Variants in ZNF251 observed in about 807,000 individuals in gnomAD.
ZNF251 encodes zinc finger protein 251.
In ZNF251, 14 loss-of-function variants were observed where a neutral mutation model predicts 13.5. That is an observed-to-expected ratio of 1.04 (90% CI 0.69 to 1.63). The LOEUF (loss-of-function observed/expected upper bound fraction) is 1.63, where lower values mean the gene tolerates loss of function less well. Ranked by LOEUF, ZNF251 falls within the 40% of genes most tolerant of loss-of-function variation. The pLI is 0.00. For synonymous variants in ZNF251, 287 were observed against 295.2 expected (o/e 0.97, Z 0.28); for missense variants, 764 against 834.9 (o/e 0.92, Z 1.05).
intron 2 of ZNF251, 102 bp from the exon 3 acceptor site, chr8:144,754,423 G>C: frequency 6.8e-7 from 1 of 1,462,910 alleles, no homozygotes. Flanking sequence ...GGGCCCTGCT[G>C]TGGTCAGTAT....
intron 4 of ZNF251, among the ~76,000 whole-genome samples, chr8:144,742,489 C>G (rs761436788): frequency 6.6e-6 from 1 of 151,770 alleles, no homozygotes; most frequent in Non-Finnish European, 1.5e-5. Context: ...ACACCTCCCC[C>G]ACTACTTACC....
Position 144,755,417 on chromosome 8 carries a change from CCCGGGGAAGCCA to C in ZNF251, c.-100_-89del. On this transcript the variant is annotated 5_prime_UTR_variant, in exon 1 of 5. Transcript: ENST00000292562. ...GACACTGCCCCACCTGTTTGCTCGA[CCCGGGGAAGCCA>C]CCGAGGAAGCGCCGAGGAGCTGCGC... 1.6e-6 allele frequency: 2 copies of C among 1,288,336 alleles called. No individual in the cohort carries two copies. The highest frequency in any genetic ancestry group is 2.0e-6 in the Non-Finnish European group (2 of 988,816). 79.8% of individuals were successfully genotyped at this position (1,288,336 alleles called of 1,614,324 possible). A position where few individuals can be genotyped will look rare whatever the true frequency, so the allele number is the denominator to read the frequency against.
intron 4 of ZNF251, among the ~76,000 whole-genome samples, chr8:144,743,409 G>A (rs1824262001): frequency 1.3e-5 from 2 of 152,164 alleles, no homozygotes; most frequent in African/African-American, 4.8e-5. Context: ...CTCTGGATGT[G>A]CCACTGGTTT....
intron 4 of ZNF251, among the ~76,000 whole-genome samples, chr8:144,751,670 G>GT (rs1346641897): frequency 6.6e-6 from 1 of 152,168 alleles, no homozygotes; most frequent in African/African-American, 2.4e-5. Flanking sequence ...AGAGGTAAAT[G>GT]TAAGTAAAAA....
chr8:144,733,112 C>G (rs1230176853), intron 4 of ZNF251, among the ~76,000 whole-genome samples: 2 of 151,152 alleles, frequency 1.3e-5, no homozygotes, highest in East Asian at 4.0e-4. Flanking sequence ...GTCCCAGGTA[C>G]ACGGGAAGCT....
chr8:144,738,643 T>C, intron 4 of ZNF251: 2 of 985,432 alleles, frequency 2.0e-6, no homozygotes, highest in Non-Finnish European at 2.4e-6. Flanking sequence ...CCCATAGATT[T>C]AGACTCAGTC....
chr8:144,732,594 C>CT (rs1823734789), intron 4 of ZNF251, among the ~76,000 whole-genome samples: 2 of 151,540 alleles, frequency 1.3e-5, no homozygotes, highest in Non-Finnish European at 1.5e-5. Context: ...GGGGGAATCA[C>CT]GAGGTCAGGA....
In ZNF251 at chr8:144,725,060, C is replaced by T. The variant is rs1018119286; in HGVS notation, c.278-1678G>A. On this transcript the variant is annotated intron_variant, in intron 4 of 4. Transcript: ENST00000292562. ...CAGAGTTTCACTCTTGTTGCCCAGA[C>T]TGGAGTGCAATGGCACGATCTCGGC... is the stretch of plus-strand genomic sequence containing the variant. 4.6e-5 allele frequency among the ~76,000 whole-genome samples: 7 copies of T among 152,050 alleles called. No individual in the cohort carries two copies. In the East Asian group the frequency reaches 9.6e-4, roughly 21 times the overall value.
At chr8:144,732,624 A>T (rs574561144) in intron 4 of ZNF251, among the ~76,000 whole-genome samples, 1 of 151,436 alleles carries the variant, frequency 6.6e-6, no homozygotes, top group Non-Finnish European at 1.5e-5. Context: ...CATCCTGGCC[A>T]ACACGGTGAA....
At chr8:144,732,625 A>C (rs984264867) in intron 4 of ZNF251, among the ~76,000 whole-genome samples, 2 of 151,040 alleles carry the variant, frequency 1.3e-5, no homozygotes, top group African/African-American at 4.9e-5. Context: ...ATCCTGGCCA[A>C]CACGGTGAAA....
At chr8:144,733,204 G>A (rs539614946) in intron 4 of ZNF251, among the ~76,000 whole-genome samples, 5 of 152,222 alleles carry the variant, frequency 3.3e-5, no homozygotes, top group Middle Eastern at 3.4e-3. Flanking sequence ...GGGCAACAGA[G>A]GGAGACTCCG....
Position 144,722,699 on chromosome 8 carries a change from A to C in ZNF251, c.961T>G (p.Tyr321Asp). ...CCTCTTCCACATTCATTACACTTGT[A>C]GGGTTTCTCTCCTGTGTGAATGATC... ...HRIIHTGEKPYKCNECGRGFS... is the reference protein window; with the variant it reads ...HRIIHTGEKPDKCNECGRGFS... The change falls in exon 5 of 5, where the codon TAC becomes GAC. Residue 321 changes from tyrosine (Y) to aspartate (D), a missense_variant. By Grantham distance (160) the Tyr-to-Asp change is radical. Coordinates refer to ENST00000292562, the MANE Select transcript of ZNF251 (RefSeq NM_138367.2). This position sits in a 1 kb window ranked among gnomAD's most constrained non-coding sequence, Gnocchi z 4.8. The C allele has an allele frequency of 1.9e-6, 3 of 1,614,092 alleles. No individual in the cohort carries two copies. Among genetic ancestry groups the C allele is most frequent in the Non-Finnish European group, 2.5e-6 (3 of 1,179,978 alleles).
chr8:144,728,436 G>A (rs972790184), intron 4 of ZNF251, among the ~76,000 whole-genome samples: 1 of 152,086 alleles, frequency 6.6e-6, no homozygotes, highest in African/African-American at 2.4e-5. Flanking sequence ...GGCCGAGACG[G>A]GCGGATCACG....
rs929886558 is a variant in ZNF251, at chr8:144,738,749, C to T, written c.277+14934G>A. On this transcript the variant is annotated intron_variant, in intron 4 of 4. Coordinates refer to ENST00000292562, the MANE Select transcript of ZNF251 (RefSeq NM_138367.2). ...ATGGTTTTCTTGTTCAAGGCAACCT[C>T]GTGGGGGCACCTGTTTGTGGAAACA... is the stretch of plus-strand genomic sequence containing the variant. 10 of 984,662 alleles carry T rather than the reference C, an allele frequency of 1.0e-5. No individual in the cohort carries two copies. In the Admixed American group the frequency reaches 1.9e-4, roughly 18 times the overall value. The allele number at this position is 984,662 out of a possible 1,614,324, so 61.0% of individuals were successfully genotyped here.
intron 4 of ZNF251, among the ~76,000 whole-genome samples, chr8:144,746,693 C>G (rs1407681254): frequency 1.3e-5 from 2 of 151,936 alleles, no homozygotes. Flanking sequence ...TTGTCTATTT[C>G]TTCCCGTGTT....
chr8:144,742,249 C>T (rs920446368), intron 4 of ZNF251, among the ~76,000 whole-genome samples: 5 of 151,608 alleles, frequency 3.3e-5, no homozygotes, highest in African/African-American at 4.9e-5. Flanking sequence ...CTTTCATACA[C>T]GAGAAAACTA....
chr8:144,755,316 G>C, intron 1 of ZNF251, 89 bp downstream of exon 1: 1 of 1,280,294 alleles, frequency 7.8e-7, no homozygotes. Flanking sequence ...GGCTCCTCCT[G>C]GACTGGCCGC....
At chr8:144,744,589 C>T (rs969159570) in intron 4 of ZNF251, among the ~76,000 whole-genome samples, 1 of 152,066 alleles carries the variant, frequency 6.6e-6, no homozygotes, top group Non-Finnish European at 1.5e-5. Flanking sequence ...TCATGAGGGT[C>T]GTCATGGCAG....
Position 144,721,005 on chromosome 8 carries a change from G to A in ZNF251, c.*639C>T, listed in dbSNP as rs1823359772. The A allele has an allele frequency of 6.6e-6, 1 of 152,394 alleles. No individual in the cohort carries two copies. The highest frequency in any genetic ancestry group is 1.5e-5 in the Non-Finnish European group (1 of 68,208). 9.4% of individuals were successfully genotyped at this position (152,394 alleles called of 1,614,324 possible). Reference sequence around the variant, plus strand: ...TCAGTAATTACAATTTTCAAAAGTGGAGATACTTGGTAGGCCCCTGCTTTC... The same window carrying A: ...TCAGTAATTACAATTTTCAAAAGTGAAGATACTTGGTAGGCCCCTGCTTTC... On this transcript the variant is annotated 3_prime_UTR_variant, in exon 5 of 5. Transcript: ENST00000292562.
Sources: allele counts gnomAD v4.1 joint callset (sites outside exome capture counted in the v4.1 genomes callset), GRCh38; gene constraint gnomAD v4.1.1; non-coding constraint Gnocchi (gnomAD v3.1); transcripts MANE v1.5; gene names NCBI Gene and HGNC (gene_info 2026-07-23, HGNC 2026-07-21).